The following METTL15 variants were observed in gnomAD, a reference collection of about 807,000 sequenced individuals.
METTL15 encodes the protein 12S rRNA N(4)-cytidine methyltransferase METTL15.
A neutral mutation model predicts 38.3 loss-of-function variants in METTL15; 34 were observed. The observed-to-expected ratio is 0.89, with a 90% CI of 0.68 to 1.18. The LOEUF (loss-of-function observed/expected upper bound fraction) is 1.18, where lower values mean the gene tolerates loss of function less well. Ranked by LOEUF, METTL15 falls within the 50% of genes most tolerant of loss-of-function variation. The pLI is 0.00. For missense variants in METTL15, 438 were observed against 498.4 expected (o/e 0.88, Z 1.15); for synonymous variants, 162 against 170.9 (o/e 0.95, Z 0.41).
intron 5 of METTL15, among the ~76,000 whole-genome samples, chr11:28,390,837 G>T (rs1469403726): frequency 1.3e-5 from 2 of 152,090 alleles, no homozygotes; most frequent in Non-Finnish European, 2.9e-5. Flanking sequence ...CCATTTTCAT[G>T]ATATTGATTC....
chr11:28,361,703 A>T (rs1850140671), intron 4 of METTL15, among the ~76,000 whole-genome samples: 1 of 152,092 alleles, frequency 6.6e-6, no homozygotes, highest in Non-Finnish European at 1.5e-5. Context: ...CATTTATTTA[A>T]TAAATATTTA....
chr11:28,175,497 G>A lies in METTL15; in HGVS notation c.271-35565G>A, dbSNP rs964058504. On this transcript the variant is annotated intron_variant, in intron 3 of 6. Coordinates refer to ENST00000407364, the MANE Select transcript of METTL15 (RefSeq NM_001113528.2). ...ATTGCTGGGTCAAATGGTATTTCTA[G>A]TTCTAGATCCCTGAGGAATCGCCAC... Among the ~76,000 whole-genome samples the A allele has an allele frequency of 8.5e-5, 13 of 152,076 alleles. No homozygotes were observed. The South Asian group carries it at 1.0e-3, about 12-fold the overall frequency.
chr11:28,346,191 A>G (rs953113784), intron 3 of METTL15, among the ~76,000 whole-genome samples: 8 of 152,148 alleles, frequency 5.3e-5, no homozygotes, highest in Admixed American at 2.6e-4. Context: ...ACCCAATTAA[A>G]TGCTCTGTTG....
chr11:28,195,223 A>G (rs1205902326), intron 3 of METTL15, among the ~76,000 whole-genome samples: 3 of 152,052 alleles, frequency 2.0e-5, no homozygotes, highest in Non-Finnish European at 4.4e-5. Flanking sequence ...TCTTTTAGGT[A>G]GATACCCAGT....
chr11:28,167,032 G>T (rs1850683147), intron 3 of METTL15, among the ~76,000 whole-genome samples: 1 of 152,126 alleles, frequency 6.6e-6, no homozygotes. Context: ...CTAACCTTTT[G>T]ATTGTATTTG....
At chr11:28,364,982 T>C (rs1196702934) in intron 5 of METTL15, among the ~76,000 whole-genome samples, 1 of 152,230 alleles carries the variant, frequency 6.6e-6, no homozygotes, top group East Asian at 1.9e-4. Context: ...TCACATTTAT[T>C]GATTTGTGTT....
intron 3 of METTL15, among the ~76,000 whole-genome samples, chr11:28,121,946 A>G (rs1037156405): frequency 9.9e-5 from 15 of 152,034 alleles, no homozygotes; most frequent in Admixed American, 5.9e-4. Context: ...TTGTTAAGGT[A>G]TTTAAAATCT....
At chr11:28,460,218 C>T (rs1042361895) in intron 6 of METTL15, among the ~76,000 whole-genome samples, 5 of 151,984 alleles carry the variant, frequency 3.3e-5, no homozygotes, top group African/African-American at 1.2e-4. Context: ...ATCTCTATAT[C>T]CACAATCCTT....
At chr11:28,177,780 C>T (rs769264902) in intron 3 of METTL15, among the ~76,000 whole-genome samples, 5 of 151,574 alleles carry the variant, frequency 3.3e-5, no homozygotes, top group Non-Finnish European at 7.4e-5. Flanking sequence ...TTTTTTGGGT[C>T]CTTAGCAGGA....
At chr11:28,414,694 A>G (rs745394818) in intron 5 of METTL15, among the ~76,000 whole-genome samples, 2 of 152,186 alleles carry the variant, frequency 1.3e-5, no homozygotes, top group African/African-American at 2.4e-5. Context: ...GGTGAGGAAA[A>G]TAGGAAACTA....
intron 5 of METTL15, among the ~76,000 whole-genome samples, chr11:28,370,541 C>T (rs962212853): frequency 1.3e-5 from 2 of 151,758 alleles, no homozygotes; most frequent in African/African-American, 4.8e-5. Flanking sequence ...CTTTTTGATA[C>T]ATTGATTTCT....
At chr11:28,216,967 G>C in intron 4 of METTL15, among the ~76,000 whole-genome samples, 1 of 151,784 alleles carries the variant, frequency 6.6e-6, no homozygotes, top group Non-Finnish European at 1.5e-5. Flanking sequence ...ATCATTGATG[G>C]ACATTTGGGT....
At chr11:28,285,977 C>T (rs1486599362) in intron 4 of METTL15, among the ~76,000 whole-genome samples, 2 of 152,050 alleles carry the variant, frequency 1.3e-5, no homozygotes, top group Admixed American at 6.6e-5. Flanking sequence ...CAAAAATCTA[C>T]CTCTTGAGCA....
intron 6 of METTL15, among the ~76,000 whole-genome samples, chr11:28,466,889 G>T (rs141724157): frequency 1.5e-3 from 233 of 152,288 alleles, no homozygotes; most frequent in African/African-American, 5.4e-3. Flanking sequence ...CCTTCAGTCT[G>T]TTGGGGAGGA....
At chr11:28,442,729 C>T (rs1247893373) in intron 6 of METTL15, among the ~76,000 whole-genome samples, 1 of 152,104 alleles carries the variant, frequency 6.6e-6, no homozygotes, top group African/African-American at 2.4e-5. Context: ...AAATCCATGG[C>T]AAATTTTTCA....
chr11:28,250,095 G>A (rs893822615), intron 4 of METTL15, among the ~76,000 whole-genome samples: 2 of 152,070 alleles, frequency 1.3e-5, no homozygotes, highest in East Asian at 1.9e-4. Flanking sequence ...TGGTCTATAT[G>A]TACTGCATTG....
chr11:28,150,631 T>C (rs571123893), intron 3 of METTL15, among the ~76,000 whole-genome samples: 1 of 114,392 alleles, frequency 8.7e-6, no homozygotes, highest in East Asian at 2.1e-4. Context: ...GCCTGTGTGA[T>C]AGAAAAAAAA....
At chr11:28,223,284 A>G (rs577017728) in intron 4 of METTL15, among the ~76,000 whole-genome samples, 1 of 152,144 alleles carries the variant, frequency 6.6e-6, no homozygotes, top group Admixed American at 6.5e-5. Flanking sequence ...TTATGTTTAC[A>G]TCTCTGCATA....
chr11:28,358,474 A>G (rs1278653339), intron 4 of METTL15, among the ~76,000 whole-genome samples: 2 of 152,266 alleles, frequency 1.3e-5, no homozygotes, highest in East Asian at 3.8e-4. Flanking sequence ...TAAACAGAAC[A>G]GAGAAGAAGT....
Sources: gnomAD v4.1 joint callset for allele counts (sites outside exome capture counted in the v4.1 genomes callset) on GRCh38, gnomAD v4.1.1 for gene constraint, MANE v1.5 for transcripts, NCBI Gene and HGNC (gene_info 2026-07-23, HGNC 2026-07-21) for gene names.